The following ATRNL1 variants were observed in gnomAD, a reference collection of about 807,000 sequenced individuals.
ATRNL1 encodes the protein attractin-like protein 1.
In ATRNL1, 95 loss-of-function variants were observed where a neutral mutation model predicts 182.7. The ratio of observed to expected loss-of-function variants is 0.52; its 90% CI spans 0.44 to 0.62. ATRNL1 has a LOEUF of 0.62. Among genes scored for constraint, ATRNL1 ranks in the 20% least tolerant of loss-of-function variants. The pLI, the probability that ATRNL1 is intolerant of heterozygous loss-of-function variation, is 0.00. For missense variants in ATRNL1, 1,471 were observed against 1,679.5 expected (o/e 0.88, Z 2.17); for synonymous variants, 576 against 568.3 (o/e 1.01, Z -0.19).
intron 18 of ATRNL1, among the ~76,000 whole-genome samples, chr10:115,333,846 T>A (rs1855351633): frequency 6.6e-6 from 1 of 152,194 alleles, no homozygotes; most frequent in East Asian, 1.9e-4. Flanking sequence ...TAGAATCTAT[T>A]GCCACACTAT....
chr10:115,509,047 AC>A (rs1252422639), intron 24 of ATRNL1, among the ~76,000 whole-genome samples: 2 of 151,964 alleles, frequency 1.3e-5, no homozygotes, highest in Non-Finnish European at 2.9e-5. Flanking sequence ...GTGCTCATTT[AC>A]CCTTCTGAAA....
chr10:115,592,941 ATCTG>A (rs1488720738), intron 26 of ATRNL1, among the ~76,000 whole-genome samples: 1 of 151,936 alleles, frequency 6.6e-6, no homozygotes, highest in Non-Finnish European at 1.5e-5. Flanking sequence ...CTGTCTGTCT[ATCTG>A]TCTATCTATC....
At chr10:115,288,481 A>AT (rs1304267310) in intron 15 of ATRNL1, among the ~76,000 whole-genome samples, 30 of 140,564 alleles carry the variant, frequency 2.1e-4, no homozygotes, top group African/African-American at 6.8e-4. Context: ...GATGTTGACC[A>AT]TTTTTTTCAC....
rs1946142740 is a variant in ATRNL1 at position 115,684,159 on chromosome 10, A to G, written c.3796-43089A>G. Among the ~76,000 whole-genome samples, 3 of 151,636 alleles carry G rather than the reference A, an allele frequency of 2.0e-5. No homozygotes were observed. The South Asian group carries it at 6.2e-4, about 31-fold the overall frequency. On this transcript the variant is annotated intron_variant, in intron 26 of 28. Coordinates refer to ENST00000355044, the MANE Select transcript of ATRNL1 (RefSeq NM_207303.4). ...TTAGATACCTGGTAATTTCTGTACA[A>G]TTTATATTTTTTCATTAGCAAGGGC...
At chr10:115,324,833 C>A (rs1854786621) in intron 18 of ATRNL1, among the ~76,000 whole-genome samples, 1 of 152,116 alleles carries the variant, frequency 6.6e-6, no homozygotes, top group South Asian at 2.1e-4. Flanking sequence ...GAACCCATGC[C>A]TCCTAGTTCT....
At chr10:115,713,705 C>CTATCTATCTATCATCTATCTATCT (rs1555055340) in intron 26 of ATRNL1, among the ~76,000 whole-genome samples, 36 of 101,290 alleles carry the variant, frequency 3.6e-4, no homozygotes, top group South Asian at 2.0e-3. Flanking sequence ...ATCTATCTAT[C>CTATCTATCTATCATCTATCTATCT]ATCTATCTAT....
intron 21 of ATRNL1, among the ~76,000 whole-genome samples, chr10:115,459,722 C>G (rs1847701378): frequency 6.6e-6 from 1 of 152,126 alleles, no homozygotes; most frequent in South Asian, 2.1e-4. Context: ...CTGTTAAGTA[C>G]TTGATGTCTG....
At chr10:115,602,450 C>A (rs12765331) in intron 26 of ATRNL1, among the ~76,000 whole-genome samples, 3 of 40,834 alleles carry the variant, frequency 7.3e-5, no homozygotes, top group South Asian at 5.0e-4. Flanking sequence ...CACAAAAAAA[C>A]TCTCTGGACA....
At chr10:115,855,277 C>G (rs1951153391) in intron 28 of ATRNL1, among the ~76,000 whole-genome samples, 1 of 152,064 alleles carries the variant, frequency 6.6e-6, no homozygotes, top group South Asian at 2.1e-4. Flanking sequence ...CCCGAAATCC[C>G]CTGTGTTAGG....
chr10:115,292,138 G>T (rs2133953738), intron 15 of ATRNL1, among the ~76,000 whole-genome samples: 1 of 151,720 alleles, frequency 6.6e-6, no homozygotes, highest in Non-Finnish European at 1.5e-5. Context: ...TCAATTTCTT[G>T]GAATATAGTT....
At chr10:115,412,859 T>C (rs1041050603) in intron 20 of ATRNL1, among the ~76,000 whole-genome samples, 1 of 152,192 alleles carries the variant, frequency 6.6e-6, no homozygotes, top group African/African-American at 2.4e-5. Context: ...CTTAATAAGG[T>C]ATTTGTAATT....
At chr10:115,361,685 T>A (rs1025977483) in intron 19 of ATRNL1, among the ~76,000 whole-genome samples, 2 of 152,072 alleles carry the variant, frequency 1.3e-5, no homozygotes, top group Non-Finnish European at 2.9e-5. Context: ...CATATCATAG[T>A]TTAGTGACCC....
At chr10:115,280,183 G>T (rs6585323) in intron 13 of ATRNL1, among the ~76,000 whole-genome samples, 147,141 of 152,310 alleles carry the variant, frequency 0.97, 71,098 homozygotes, top group East Asian at 1. Flanking sequence ...GATGTGTGAA[G>T]CTAAAAGCCT....
chr10:115,574,239 TAC>T (rs1400969810), intron 26 of ATRNL1, among the ~76,000 whole-genome samples: 3 of 151,048 alleles, frequency 2.0e-5, no homozygotes, highest in Non-Finnish European at 4.4e-5. Flanking sequence ...TATATATAAC[TAC>T]AGTTATATAT....
intron 8 of ATRNL1, among the ~76,000 whole-genome samples, chr10:115,174,522 A>G (rs1046907048): frequency 2.0e-5 from 3 of 151,824 alleles, no homozygotes; most frequent in African/African-American, 7.2e-5. Flanking sequence ...ATTTTATAAT[A>G]TAAATAAATT....
intron 24 of ATRNL1, among the ~76,000 whole-genome samples, chr10:115,470,842 A>G (rs540597307): frequency 1.3e-5 from 2 of 150,882 alleles, no homozygotes; most frequent in East Asian, 3.9e-4. Context: ...CATTATGCCT[A>G]TGGAATATGT....
At chr10:115,788,384 C>G (rs1303685438) in intron 27 of ATRNL1, among the ~76,000 whole-genome samples, 1 of 140,300 alleles carries the variant, frequency 7.1e-6, no homozygotes, top group Non-Finnish European at 1.5e-5. Flanking sequence ...TGTAAACATT[C>G]ATATTTCTTT....
chr10:115,614,009 T>C (rs782099159), intron 26 of ATRNL1, among the ~76,000 whole-genome samples: 34 of 152,022 alleles, frequency 2.2e-4, no homozygotes, highest in Non-Finnish European at 4.3e-4. Context: ...GGTTTTCTTT[T>C]TGTCTGTATT....
At chr10:115,627,349 A>G (rs1194431297) in intron 26 of ATRNL1, among the ~76,000 whole-genome samples, 1 of 152,008 alleles carries the variant, frequency 6.6e-6, no homozygotes. Context: ...AAGTTTATTC[A>G]GATTATGTCA....
Sources: gnomAD v4.1 joint callset for allele counts (sites outside exome capture counted in the v4.1 genomes callset) on GRCh38, gnomAD v4.1.1 for gene constraint, MANE v1.5 for transcripts, NCBI Gene and HGNC (gene_info 2026-07-23, HGNC 2026-07-21) for gene names.